The following AGAP1 variants were observed in gnomAD, a reference collection of about 807,000 sequenced individuals.
AGAP1 encodes ArfGAP with GTPase domain, ankyrin repeat and PH domain 1, also known as arf-GAP with GTPase, ANK repeat and PH domain-containing protein 1.
Under a neutral mutation model 105.3 loss-of-function variants are expected in AGAP1, and 29 were observed. The ratio of observed to expected loss-of-function variants is 0.28; its 90% CI spans 0.21 to 0.38. The LOEUF (loss-of-function observed/expected upper bound fraction) is 0.38, where lower values mean the gene tolerates loss of function less well. Ranked by LOEUF, AGAP1 falls within the 10% of genes least tolerant of loss-of-function variation. AGAP1 has a pLI of 1.00. For synonymous variants in AGAP1, 509 were observed against 485.9 expected (o/e 1.05, Z -0.63); for missense variants, 998 against 1,165.1 (o/e 0.86, Z 2.09).
rs1048518523 is a variant in AGAP1 at position 235,979,981 on chromosome 2, T to G, written c.1645+11358T>G. Among the ~76,000 whole-genome samples, 12 of 152,052 alleles carry G rather than the reference T, an allele frequency of 7.9e-5. No individual in the cohort carries two copies. Among genetic ancestry groups the G allele is most frequent in the African/African-American group, 1.4e-4 (6 of 41,394 alleles). ...CAGTAAAATACAAAAAAAAGAGAGATAGAGAAAGCAGGGGAGCTTGTGAAG... is the reference window on the plus strand; with the variant it reads ...CAGTAAAATACAAAAAAAAGAGAGAGAGAGAAAGCAGGGGAGCTTGTGAAG... On this transcript the variant is annotated intron_variant, in intron 13 of 17. Transcript: ENST00000304032. This position sits in a 1 kb window ranked among gnomAD's most constrained non-coding sequence, Gnocchi z 4.5.
In AGAP1 at chr2:235,723,765, C is replaced by CGTTGGTTGGTTGGTTGGTTGGTTG. The variant is rs3834112; in HGVS notation, c.310+6136_310+6159dup. On this transcript the variant is annotated intron_variant, in intron 3 of 17. Transcript: ENST00000304032. This position sits in a 1 kb window ranked among gnomAD's most constrained non-coding sequence, Gnocchi z 6.2. ...ATATGGATTGAGTGGGAGCTTTTAT[C>CGTTGGTTGGTTGGTTGGTTGGTTG]GTTGGTTGGTTGGTTGGTTGGTTGG... 7.7e-4 allele frequency among the ~76,000 whole-genome samples: 115 copies of CGTTGGTTGGTTGGTTGGTTGGTTG among 150,008 alleles called. No individual in the cohort carries two copies. Among genetic ancestry groups the CGTTGGTTGGTTGGTTGGTTGGTTG allele is most frequent in the Non-Finnish European group, 2.5e-4 (17 of 67,508 alleles).
Position 235,967,792 on chromosome 2 carries a change from T to G in AGAP1, c.1484-670T>G, listed in dbSNP as rs1355609897. On this transcript the variant is annotated intron_variant, in intron 12 of 17. Coordinates refer to ENST00000304032, the MANE Select transcript of AGAP1 (RefSeq NM_001037131.3). The surrounding 1 kb of genome is among the most constrained non-coding windows in gnomAD (Gnocchi z 4.7). ...AAAGATACAAATGGACATAATACAT[T>G]GAGAGTTTCACTTATAGTGAATAAT... Among the ~76,000 whole-genome samples, 2 of 152,210 alleles carry G rather than the reference T, an allele frequency of 1.3e-5. No homozygotes were observed. Among genetic ancestry groups the G allele is most frequent in the Non-Finnish European group, 2.9e-5 (2 of 68,042 alleles).
rs2054251497 is a variant in AGAP1 at position 235,962,943 on chromosome 2, G to T, written c.1484-5519G>T. Among the ~76,000 whole-genome samples the T allele has an allele frequency of 6.6e-6, 1 of 152,182 alleles. No individual in the cohort carries two copies. The highest frequency in any genetic ancestry group is 2.4e-5 in the African/African-American group (1 of 41,460). On this transcript the variant is annotated intron_variant, in intron 12 of 17. Coordinates refer to ENST00000304032, the MANE Select transcript of AGAP1 (RefSeq NM_001037131.3). This position sits in a 1 kb window ranked among gnomAD's most constrained non-coding sequence, Gnocchi z 5.3. ...GTCTCCAGCCATTGCCAGAGGTCCT[G>T]GGTGGGGGTTCCTGGAGAACCGGTG... is the stretch of plus-strand genomic sequence containing the variant.
At position 236,046,781 on chromosome 2, in the gene AGAP1, G is replaced by A. The variant is rs954855051; in HGVS notation, c.1892-2278G>A. ...GAAGAGCTGGGAAAGAGATCACAAC[G>A]GAGCAACCAGGAAAGTGGGGAAAAA... On this transcript the variant is annotated intron_variant, in intron 15 of 17. Coordinates refer to ENST00000304032, the MANE Select transcript of AGAP1 (RefSeq NM_001037131.3). The surrounding 1 kb of genome is among the most constrained non-coding windows in gnomAD (Gnocchi z 5.2). Among the ~76,000 whole-genome samples the A allele has an allele frequency of 2.0e-5, 3 of 152,082 alleles. No homozygotes were observed. Among genetic ancestry groups the A allele is most frequent in the Admixed American group, 6.5e-5 (1 of 15,276 alleles).
chr2:235,878,484 G>T (rs544453751), intron 9 of AGAP1, among the ~76,000 whole-genome samples: 1 of 152,252 alleles, frequency 6.6e-6, no homozygotes, highest in South Asian at 2.1e-4. Context: ...CTGCCAAGCA[G>T]GTCTGATCTC....
intron 13 of AGAP1, among the ~76,000 whole-genome samples, chr2:235,995,065 C>CAAAAAAAAAAA (rs58097220): frequency 1.6e-5 from 1 of 60,944 alleles, no homozygotes; most frequent in Non-Finnish European, 2.8e-5. Context: ...GACTCTGTCT[C>CAAAAAAAAAAA]AAAAAAAAAA....
At chr2:235,593,982 A>G (rs1412914655) in intron 1 of AGAP1, among the ~76,000 whole-genome samples, 3 of 152,164 alleles carry the variant, frequency 2.0e-5, no homozygotes, top group Non-Finnish European at 4.4e-5. Flanking sequence ...CAAAAGGAAA[A>G]AGAAGAGAAG....
intron 1 of AGAP1, among the ~76,000 whole-genome samples, chr2:235,560,089 T>G (rs1944098122): frequency 6.6e-6 from 1 of 152,198 alleles, no homozygotes; most frequent in Non-Finnish European, 1.5e-5. Context: ...ATACTCCTTG[T>G]GTTTTCTTCT....
At chr2:235,641,783 A>T (rs1255846721) in intron 1 of AGAP1, among the ~76,000 whole-genome samples, 1 of 152,240 alleles carries the variant, frequency 6.6e-6, no homozygotes, top group Non-Finnish European at 1.5e-5. Flanking sequence ...TCTAATTTCA[A>T]CACATTACCT....
Position 236,046,656 on chromosome 2 carries a change from T to C in AGAP1, c.1892-2403T>C, listed in dbSNP as rs2057726071. Among the ~76,000 whole-genome samples, 1 of 151,678 alleles carries C rather than the reference T, an allele frequency of 6.6e-6. No individual in the cohort carries two copies. Among genetic ancestry groups the C allele is most frequent in the Admixed American group, 6.6e-5 (1 of 15,238 alleles). On this transcript the variant is annotated intron_variant, in intron 15 of 17. Coordinates refer to ENST00000304032, the MANE Select transcript of AGAP1 (RefSeq NM_001037131.3). This position sits in a 1 kb window ranked among gnomAD's most constrained non-coding sequence, Gnocchi z 5.2. ...TAATAATTCAGGAGCCAGGAAGAGGTGTTAGTGCCTGAGTGGTGATTGAAG... is the reference window on the plus strand; with the variant it reads ...TAATAATTCAGGAGCCAGGAAGAGGCGTTAGTGCCTGAGTGGTGATTGAAG...
At position 235,891,935 on chromosome 2, in the gene AGAP1, C is replaced by T. The variant is rs1301445094; in HGVS notation, c.1155+8486C>T. Among the ~76,000 whole-genome samples, 1 of 152,150 alleles carries T rather than the reference C, an allele frequency of 6.6e-6. No homozygotes were observed. The highest frequency in any genetic ancestry group is 1.5e-5 in the Non-Finnish European group (1 of 68,030). On this transcript the variant is annotated intron_variant, in intron 10 of 17. Coordinates refer to ENST00000304032, the MANE Select transcript of AGAP1 (RefSeq NM_001037131.3). This position sits in a 1 kb window ranked among gnomAD's most constrained non-coding sequence, Gnocchi z 4.2. ...TTGGGAGGCTGAGGTGGATGGATCA[C>T]CTGAGGTCAGGAGTTCAAGACTAGC...
At chr2:235,670,723 C>T (rs1462645824) in intron 1 of AGAP1, 1 of 828,748 alleles carries the variant, frequency 1.2e-6, no homozygotes, top group Non-Finnish European at 1.9e-6. Flanking sequence ...CGGAGAAGCG[C>T]AACACCCTGG....
At chr2:235,894,891 C>T (rs545865068) in intron 10 of AGAP1, among the ~76,000 whole-genome samples, 6 of 152,360 alleles carry the variant, frequency 3.9e-5, no homozygotes, top group East Asian at 1.9e-4. Context: ...TTGGTTCCAA[C>T]GTGGCTTTGT....
At position 235,666,128 on chromosome 2, in the gene AGAP1, C is replaced by T. The variant is rs537156915; in HGVS notation, c.164-43051C>T. ...ACTCTCCTCTGCAGTCTTCCTCTCT[C>T]GCGCAGCATTAGTCCCTGCAGCACG... On this transcript the variant is annotated intron_variant, in intron 1 of 17. Transcript: ENST00000304032. Among the ~76,000 whole-genome samples the T allele has an allele frequency of 3.3e-5, 5 of 152,044 alleles. No individual in the cohort carries two copies. In the South Asian group the frequency reaches 6.2e-4, roughly 19 times the overall value.
rs548683750 is a variant in AGAP1 at position 235,934,692 on chromosome 2, C to T, written c.1483+3769C>T. Among the ~76,000 whole-genome samples the T allele has an allele frequency of 4.0e-4, 61 of 152,034 alleles. No individual in the cohort carries two copies. The highest frequency in any genetic ancestry group is 1.1e-3 in the Admixed American group (17 of 15,256). On this transcript the variant is annotated intron_variant, in intron 12 of 17. Coordinates refer to ENST00000304032, the MANE Select transcript of AGAP1 (RefSeq NM_001037131.3). This position sits in a 1 kb window ranked among gnomAD's most constrained non-coding sequence, Gnocchi z 4.9. ...GTCCCCCCTGCCCCCACTTCCTTTT[C>T]GAATGTATCTGCCCCCATCCCTAGT... is the stretch of plus-strand genomic sequence containing the variant.
At chr2:235,693,819 CT>C (rs1459533821) in intron 1 of AGAP1, among the ~76,000 whole-genome samples, 3 of 152,180 alleles carry the variant, frequency 2.0e-5, no homozygotes, top group African/African-American at 4.8e-5. Context: ...CAGAAATAAA[CT>C]TGATTTCCTC....
rs146247677 is a variant in AGAP1, at chr2:236,049,102, C to T, written c.1935C>T (p.Ile645=). The T allele has an allele frequency of 4.5e-5, 72 of 1,614,080 alleles. No individual in the cohort carries two copies. The highest frequency in any genetic ancestry group is 5.0e-5 in the Non-Finnish European group (59 of 1,180,052). Residue 645 remains isoleucine, a synonymous_variant, in exon 16 of 18, where the codon ATC becomes ATT. Coordinates refer to ENST00000304032, the MANE Select transcript of AGAP1 (RefSeq NM_001037131.3). ...ASLNLGALMC[I]ECSGIHRNLG... ...TGAACTTGGGAGCCCTCATGTGCATCGAATGCTCAGGGATCCACCGGAATC... is the reference window on the plus strand; with the variant it reads ...TGAACTTGGGAGCCCTCATGTGCATTGAATGCTCAGGGATCCACCGGAATC...
chr2:235,933,342 G>A (rs1019843107), intron 12 of AGAP1, among the ~76,000 whole-genome samples: 5 of 152,058 alleles, frequency 3.3e-5, no homozygotes, highest in African/African-American at 1.2e-4. Context: ...GTGATAGTTG[G>A]GGTGCAGAAA....
At chr2:235,506,154 C>T (rs1941798533) in intron 1 of AGAP1, among the ~76,000 whole-genome samples, 1 of 151,490 alleles carries the variant, frequency 6.6e-6, no homozygotes, top group Non-Finnish European at 1.5e-5. Flanking sequence ...CGGTCTCAAA[C>T]TCCTGACCTC....
Sources: gnomAD v4.1 joint callset for allele counts (sites outside exome capture counted in the v4.1 genomes callset) on GRCh38, gnomAD v4.1.1 for gene constraint, Gnocchi (gnomAD v3.1) non-coding constraint, MANE v1.5 for transcripts, NCBI Gene and HGNC (gene_info 2026-07-23, HGNC 2026-07-21) for gene names.